Variants in NAPA observed in about 807,000 individuals in gnomAD.
NAPA encodes the protein NSF attachment protein alpha, also known as alpha-soluble NSF attachment protein.
Under a neutral mutation model 48.0 loss-of-function variants are expected in NAPA, and 18 were observed. The ratio of observed to expected loss-of-function variants is 0.38; its 90% CI spans 0.26 to 0.56. NAPA has a LOEUF of 0.56. NAPA is among the 20% of genes least tolerant of loss of function. NAPA has a pLI of 0.77. For synonymous variants in NAPA, 152 were observed against 149.9 expected, an observed-to-expected ratio of 1.01 and a Z score of -0.10; for missense variants, 315 against 385.0, an observed-to-expected ratio of 0.82 and a Z score of 1.52.
Position 47,488,103 on chromosome 19 carries a change from G to A in NAPA, c.*185C>T, listed in dbSNP as rs1348021000. 2 of 579,308 alleles carry A rather than the reference G, an allele frequency of 3.5e-6. No individual in the cohort carries two copies. The highest frequency in any genetic ancestry group is 2.0e-5 in the South Asian group (1 of 49,490). The allele number at this position is 579,308 out of a possible 1,614,324, so 35.9% of individuals were successfully genotyped here. On this transcript the variant is annotated 3_prime_UTR_variant, in exon 11 of 11. Coordinates refer to ENST00000263354, the MANE Select transcript of NAPA (RefSeq NM_003827.4). ...GCAAGGGATGTAGCGAGAACAGAGG[G>A]TGACTGTCCGGCCAGCAGCCTGGGC... is the stretch of plus-strand genomic sequence containing the variant.
At chr19:47,495,669 G>C in intron 3 of NAPA, 73 bp from the exon 4 acceptor site, 1 of 1,448,432 alleles carries the variant, frequency 6.9e-7, no homozygotes, top group Non-Finnish European at 9.7e-7. Context: ...GAGAGGAGGC[G>C]GACGCAGGCG....
intron 2 of NAPA, 148 bp from the exon 3 acceptor site, chr19:47,500,897 G>A (rs959188313): frequency 3.6e-6 from 2 of 557,408 alleles, no homozygotes; most frequent in Admixed American, 3.9e-5. Context: ...AGCGAGCCCA[G>A]ACCGAGGCCT....
In NAPA at chr19:47,489,738, C is replaced by T. The variant is rs1263121399; in HGVS notation, c.759G>A (p.Glu253=). 1 of 1,614,110 alleles carries T rather than the reference C, an allele frequency of 6.2e-7. No individual in the cohort carries two copies. Among genetic ancestry groups the T allele is most frequent in the Non-Finnish European group, 8.5e-7 (1 of 1,180,018 alleles). ...ACTCGGTGTAGCTGTCCACATTCTG[C>T]TCCTCGTGGGCCTCTAGCAATTTCT... is the stretch of plus-strand genomic sequence containing the variant. ...LMKKLLEAHE[E]QNVDSYTESV... The change falls in exon 10 of 11, where the codon GAG becomes GAA. Residue 253 remains glutamate (E), a synonymous_variant. Transcript: ENST00000263354.
At position 47,502,993 on chromosome 19, in the gene NAPA, C is replaced by T. The variant is rs186593503; in HGVS notation, c.178+430G>A. 1.6e-4 allele frequency among the ~76,000 whole-genome samples: 24 copies of T among 152,308 alleles called. No homozygotes were observed. The East Asian group carries it at 4.4e-3, about 28-fold the overall frequency. ...CTGACCCTTAGGGCTGCTGTGCTAACGCAATTAAATGATGAGCACTTAGGA... is the reference window on the plus strand; with the variant it reads ...CTGACCCTTAGGGCTGCTGTGCTAATGCAATTAAATGATGAGCACTTAGGA... On this transcript the variant is annotated intron_variant, in intron 2 of 10. Coordinates refer to ENST00000263354, the MANE Select transcript of NAPA (RefSeq NM_003827.4).
chr19:47,489,686 C>A, intron 10 of NAPA, 25 bp downstream of exon 10: 1 of 1,613,572 alleles, frequency 6.2e-7, no homozygotes, highest in Non-Finnish European at 8.5e-7. Context: ...GTGAAGGGGC[C>A]TGGCCCCCCA....
intron 8 of NAPA, 34 bp downstream of exon 8, chr19:47,491,981 G>C: frequency 6.3e-7 from 1 of 1,579,154 alleles, no homozygotes; most frequent in Non-Finnish European, 8.7e-7. Context: ...ATGGTGGCCT[G>C]GTGCGGTGGT....
Position 47,493,568 on chromosome 19 carries a change from C to A in NAPA, c.343-75G>T. On this transcript the variant is annotated intron_variant, in intron 4 of 10. Coordinates refer to ENST00000263354, the MANE Select transcript of NAPA (RefSeq NM_003827.4). The surrounding 1 kb of genome is among the most constrained non-coding windows in gnomAD (Gnocchi z 6.4). ...GCCTGCCTGCTGACCTATGACCCTT[C>A]AAGTTCCCACCCCTCAGCCACGCCT... 7.7e-7 allele frequency: 1 copy of A among 1,292,966 alleles called. No individual in the cohort carries two copies. The highest frequency in any genetic ancestry group is 1.1e-6 in the Non-Finnish European group (1 of 894,394). 80.1% of individuals were successfully genotyped at this position (1,292,966 alleles called of 1,614,324 possible).
chr19:47,489,633 G>A (rs181880438), intron 10 of NAPA, 78 bp downstream of exon 10: 29 of 1,477,980 alleles, frequency 2.0e-5, no homozygotes, highest in Middle Eastern at 3.5e-4. Flanking sequence ...ATGTCATGGA[G>A]AGCGTGTCTG....
At chr19:47,499,218 G>T (rs943339209) in intron 3 of NAPA, among the ~76,000 whole-genome samples, 43 of 152,214 alleles carry the variant, frequency 2.8e-4, no homozygotes, top group African/African-American at 1.0e-3. Context: ...CTGTCTGCAG[G>T]AAGTGAGGGG....
chr19:47,500,600 C>T, intron 3 of NAPA, 33 bp downstream of exon 3: 1 of 1,556,684 alleles, frequency 6.4e-7, no homozygotes, highest in Non-Finnish European at 8.7e-7. Flanking sequence ...GCGCTCCGGA[C>T]AGCCAGCCCG....
intron 4 of NAPA, 44 bp downstream of exon 4, chr19:47,495,506 T>G: frequency 6.2e-7 from 1 of 1,601,450 alleles, no homozygotes; most frequent in Non-Finnish European, 8.6e-7. Flanking sequence ...GCTGGGGCAA[T>G]GCAGTGGGAC....
At chr19:47,503,622 C>T in intron 1 of NAPA, 120 bp from the exon 2 acceptor site, 1 of 885,966 alleles carries the variant, frequency 1.1e-6, no homozygotes, top group Non-Finnish European at 1.8e-6. Flanking sequence ...ACCTGTGAAG[C>T]CAGCTTCCCC....
Position 47,500,649 on chromosome 19 carries a change from C to T in NAPA, c.279G>A (p.Lys93=). 5 of 1,610,214 alleles carry T rather than the reference C, an allele frequency of 3.1e-6. No homozygotes were observed. The highest frequency in any genetic ancestry group is 3.4e-6 in the Non-Finnish European group (4 of 1,178,258). Residue 93 remains lysine, a synonymous_variant, in exon 3 of 11, where the codon AAG becomes AAA. Coordinates refer to ENST00000263354, the MANE Select transcript of NAPA (RefSeq NM_003827.4). The stretch of plus-strand genomic sequence containing the variant: ...GGCCCTCACCTTGGGGGTCGGCTTT[C>T]TTGAATGCGTTGCCAGCGTCCACAA... ...TCFVDAGNAF[K]KADPQEAINC...
At chr19:47,503,657 C>T (rs1362025053) in intron 1 of NAPA, among the ~76,000 whole-genome samples, 155 bp from the exon 2 acceptor site, 7 of 152,204 alleles carry the variant, frequency 4.6e-5, no homozygotes, top group Non-Finnish European at 7.3e-5. Context: ...CTGTGGCCCC[C>T]GCCCCTGCAT....
At chr19:47,496,653 G>A (rs1968430966) in intron 3 of NAPA, 1 of 275,114 alleles carries the variant, frequency 3.6e-6, no homozygotes, top group Non-Finnish European at 7.4e-6. Context: ...CCCAGGCCAT[G>A]TTCGCCTGAG....
Position 47,504,191 on chromosome 19 carries a change from C to T in NAPA, c.99-689G>A, listed in dbSNP as rs543762128. Reference sequence around the variant, plus strand: ...GGCGGATTGCTTGAGCTCAAGAGTTCGAGACCAGCCTGGGCCACACGGCAA... The same window carrying T: ...GGCGGATTGCTTGAGCTCAAGAGTTTGAGACCAGCCTGGGCCACACGGCAA... On this transcript the variant is annotated intron_variant, in intron 1 of 10. Transcript: ENST00000263354. 6.6e-5 allele frequency among the ~76,000 whole-genome samples: 10 copies of T among 151,910 alleles called. No homozygotes were observed. The East Asian group carries it at 1.5e-3, about 24-fold the overall frequency.
chr19:47,505,106 G>A (rs1448391896), intron 1 of NAPA, among the ~76,000 whole-genome samples: 1 of 152,102 alleles, frequency 6.6e-6, no homozygotes, highest in South Asian at 2.1e-4. Context: ...CTTAGCCCGC[G>A]AGGTCTGTAG....
chr19:47,510,501 C>T (rs1324087827), intron 1 of NAPA, among the ~76,000 whole-genome samples: 1 of 152,230 alleles, frequency 6.6e-6, no homozygotes, highest in South Asian at 2.1e-4. Context: ...TCCCACACAT[C>T]GTCTCATTTA....
At chr19:47,496,686 C>T (rs1453561678) in intron 3 of NAPA, 1 of 289,784 alleles carries the variant, frequency 3.5e-6, no homozygotes, top group Admixed American at 4.2e-5. Flanking sequence ...CCAAGAAGCG[C>T]CGGGGCTGGG....
Sources: allele counts gnomAD v4.1 joint callset (sites outside exome capture counted in the v4.1 genomes callset), GRCh38; gene constraint gnomAD v4.1.1; non-coding constraint Gnocchi (gnomAD v3.1); transcripts MANE v1.5; gene names NCBI Gene and HGNC (gene_info 2026-07-23, HGNC 2026-07-21).